ILRUN: variants seen among roughly 807,000 people sequenced by gnomAD.
ILRUN encodes protein ILRUN.
In ILRUN, 3 loss-of-function variants were observed where a neutral mutation model predicts 33.8. The observed-to-expected ratio is 0.09, with a 90% CI of 0.04 to 0.23. The LOEUF is 0.23. Among genes scored for constraint, ILRUN ranks in the 10% least tolerant of loss-of-function variants. The pLI, the probability that ILRUN is intolerant of heterozygous loss-of-function variation, is 1.00. For missense variants in ILRUN, 210 were observed against 375.1 expected (o/e 0.56, Z 3.64); for synonymous variants, 124 against 138.9 (o/e 0.89, Z 0.75).
intron 1 of ILRUN, among the ~76,000 whole-genome samples, chr6:34,659,349 T>A (rs933705763): frequency 3.1e-4 from 47 of 152,226 alleles, no homozygotes; most frequent in African/African-American, 1.1e-3. Context: ...ATGAGGCTAC[T>A]GAGGCACTGA....
At chr6:34,603,844 T>C (rs1761570259) in intron 4 of ILRUN, among the ~76,000 whole-genome samples, 1 of 152,208 alleles carries the variant, frequency 6.6e-6, no homozygotes, top group African/African-American at 2.4e-5. Context: ...CGATGTACAC[T>C]GCTCTGAACA....
intron 3 of ILRUN, among the ~76,000 whole-genome samples, chr6:34,629,984 AG>A (rs1430609159): frequency 6.6e-6 from 1 of 152,206 alleles, no homozygotes; most frequent in Middle Eastern, 3.2e-3. Flanking sequence ...AGGCCCAGTA[AG>A]AGGTTAACAA....
intron 1 of ILRUN, among the ~76,000 whole-genome samples, chr6:34,667,477 C>T (rs1288956900): frequency 6.6e-6 from 1 of 152,120 alleles, no homozygotes; most frequent in Non-Finnish European, 1.5e-5. Flanking sequence ...ACCACCTATG[C>T]AGTATCAACT....
chr6:34,620,294 G>C (rs779021459), intron 3 of ILRUN, among the ~76,000 whole-genome samples: 1 of 152,086 alleles, frequency 6.6e-6, no homozygotes, highest in Non-Finnish European at 1.5e-5. Context: ...AAATTCCCTA[G>C]GATGGTGACT....
At chr6:34,663,935 C>T (rs1762945918) in intron 1 of ILRUN, among the ~76,000 whole-genome samples, 1 of 152,102 alleles carries the variant, frequency 6.6e-6, no homozygotes, top group African/African-American at 2.4e-5. Flanking sequence ...GCAATCACTT[C>T]CTTAAGAGTG....
intron 4 of ILRUN, among the ~76,000 whole-genome samples, chr6:34,595,060 G>A (rs1441566221): frequency 2.0e-5 from 3 of 152,194 alleles, no homozygotes; most frequent in Non-Finnish European, 4.4e-5. Context: ...ACATAAAGAT[G>A]AGCTCAGTCT....
In ILRUN at chr6:34,660,424, G is replaced by C. The variant is rs147757198; in HGVS notation, c.159-5645C>G. 8.7e-3 allele frequency among the ~76,000 whole-genome samples: 1,286 copies of C among 147,892 alleles called. 19 individuals carry two copies. The highest frequency in any genetic ancestry group is 0.03 in the African/African-American group (1,203 of 40,612). On this transcript the variant is annotated intron_variant, in intron 1 of 4. Transcript: ENST00000374023. Reference sequence around the variant, plus strand: ...CTCTGAACAAGTGAGAAACTCAAAAGAACACAAATTATTTATGAGAAAAAG... The same window carrying C: ...CTCTGAACAAGTGAGAAACTCAAAACAACACAAATTATTTATGAGAAAAAG...
chr6:34,643,767 A>G (rs190457891), intron 3 of ILRUN, among the ~76,000 whole-genome samples: 85 of 152,368 alleles, frequency 5.6e-4, no homozygotes, highest in Non-Finnish European at 1.3e-4. Flanking sequence ...CAGTGGCGCG[A>G]TCTCGGCTCA....
intron 4 of ILRUN, among the ~76,000 whole-genome samples, chr6:34,603,279 G>A (rs1315906592): frequency 1.3e-5 from 2 of 152,170 alleles, no homozygotes; most frequent in Non-Finnish European, 2.9e-5. Flanking sequence ...TTGGGAGGCC[G>A]AGGTGGGCAG....
intron 1 of ILRUN, among the ~76,000 whole-genome samples, chr6:34,694,163 C>G (rs1763706349): frequency 6.6e-6 from 1 of 152,064 alleles, no homozygotes; most frequent in Admixed American, 6.6e-5. Context: ...TATTCACTTT[C>G]CACAACACCT....
chr6:34,662,814 C>T (rs1419790153), intron 1 of ILRUN, among the ~76,000 whole-genome samples: 3 of 152,226 alleles, frequency 2.0e-5, no homozygotes. Flanking sequence ...TGGTGGCTCA[C>T]ACCTGTAATC....
At chr6:34,695,177 GC>G (rs1763734171) in intron 1 of ILRUN, among the ~76,000 whole-genome samples, 1 of 152,116 alleles carries the variant, frequency 6.6e-6, no homozygotes, top group African/African-American at 2.4e-5. Flanking sequence ...TAGGCTTACA[GC>G]CTCTTTTCCA....
At chr6:34,608,620 G>T (rs1761682369) in intron 3 of ILRUN, among the ~76,000 whole-genome samples, 1 of 152,076 alleles carries the variant, frequency 6.6e-6, no homozygotes, top group South Asian at 2.1e-4. Flanking sequence ...CAATGTTATG[G>T]AAGCTACAGT....
At chr6:34,635,842 G>A (rs954948237) in intron 3 of ILRUN, among the ~76,000 whole-genome samples, 5 of 152,028 alleles carry the variant, frequency 3.3e-5, no homozygotes, top group Non-Finnish European at 7.4e-5. Flanking sequence ...GGCTGGTCTT[G>A]AACTCCTGAC....
At chr6:34,611,965 C>G (rs1761763355) in intron 3 of ILRUN, among the ~76,000 whole-genome samples, 1 of 152,116 alleles carries the variant, frequency 6.6e-6, no homozygotes, top group South Asian at 2.1e-4. Context: ...TCTTTGGCAC[C>G]TGTGATCTTT....
At chr6:34,631,029 T>G (rs1213644859) in intron 3 of ILRUN, among the ~76,000 whole-genome samples, 1 of 152,232 alleles carries the variant, frequency 6.6e-6, no homozygotes, top group Non-Finnish European at 1.5e-5. Flanking sequence ...TCTTTCATGT[T>G]GTCTACTTTT....
intron 1 of ILRUN, among the ~76,000 whole-genome samples, chr6:34,679,292 C>G (rs868730743): frequency 2.4e-4 from 37 of 151,952 alleles, no homozygotes; most frequent in African/African-American, 7.3e-4. Context: ...GGCAGAAATA[C>G]AAATGCGTCC....
chr6:34,696,672 G>T lies in ILRUN; in HGVS notation c.-69C>A. The T allele has an allele frequency of 3.3e-6, 5 of 1,536,548 alleles. No homozygotes were observed. The highest frequency in any genetic ancestry group is 4.4e-6 in the Non-Finnish European group (5 of 1,140,450). ...CCGCCGCCGCGCCGCCGGGCCCGGG[G>T]ACCTGGAGGGGGGCCGCTGCTAGCT... is the stretch of plus-strand genomic sequence containing the variant. On this transcript the variant is annotated 5_prime_UTR_variant, in exon 1 of 5. Coordinates refer to ENST00000374023, the MANE Select transcript of ILRUN (RefSeq NM_024294.4).
At chr6:34,653,132 C>CAAAAA (rs947213125) in intron 2 of ILRUN, among the ~76,000 whole-genome samples, 1 of 51,498 alleles carries the variant, frequency 1.9e-5, no homozygotes, top group African/African-American at 6.2e-5. Flanking sequence ...GACCTTGTCT[C>CAAAAA]AAAAAAAAAA....
Sources: allele counts gnomAD v4.1 joint callset (sites outside exome capture counted in the v4.1 genomes callset), GRCh38; gene constraint gnomAD v4.1.1; transcripts MANE v1.5; gene names NCBI Gene and HGNC (gene_info 2026-07-23, HGNC 2026-07-21).